WDPCP: variants seen among roughly 807,000 people sequenced by gnomAD.
WDPCP encodes the protein WD repeat containing planar cell polarity effector, also known as WD repeat-containing and planar cell polarity effector protein fritz homolog.
WDPCP carries 71 observed loss-of-function variants against 93.1 expected under a neutral mutation model. The observed-to-expected ratio is 0.76, with a 90% CI of 0.63 to 0.93. The LOEUF (loss-of-function observed/expected upper bound fraction) is 0.93. Among genes scored for constraint, WDPCP ranks in the 40% least tolerant of loss-of-function variants. The pLI, the probability that WDPCP is intolerant of heterozygous loss-of-function variation, is 0.00. For missense variants in WDPCP, 844 were observed against 887.4 expected (o/e 0.95, Z 0.62); for synonymous variants, 315 against 315.0 (o/e 1.00, Z 0.00).
At chr2:63,426,744 T>A (rs1180657174) in intron 9 of WDPCP, among the ~76,000 whole-genome samples, 2 of 152,172 alleles carry the variant, frequency 1.3e-5, no homozygotes, top group Non-Finnish European at 2.9e-5. Flanking sequence ...GGTCCTGACA[T>A]CCCACTTAAA....
chr2:63,753,493 A>G (rs2103890713), intron 2 of WDPCP, among the ~76,000 whole-genome samples: 1 of 152,286 alleles, frequency 6.6e-6, no homozygotes, highest in East Asian at 1.9e-4. Flanking sequence ...AAAGAGGTTC[A>G]ACTGGCTCAT....
intron 9 of WDPCP, among the ~76,000 whole-genome samples, chr2:63,413,603 C>CTCATGATGAGGTCA (rs1695180078): frequency 6.6e-6 from 1 of 152,086 alleles, no homozygotes; most frequent in Non-Finnish European, 1.5e-5. Context: ...CGAGACCATC[C>CTCATGATGAGGTCA]TGGCTAACAT....
chr2:63,293,718 G>A (rs1684619960), intron 13 of WDPCP, among the ~76,000 whole-genome samples: 1 of 152,116 alleles, frequency 6.6e-6, no homozygotes, highest in Non-Finnish European at 1.5e-5. Flanking sequence ...TCTGGAGCTG[G>A]AAAATATAAT....
chr2:63,837,730 A>G, the WDPCP span, among the ~76,000 whole-genome samples: 1 of 152,230 alleles, frequency 6.6e-6, no homozygotes, highest in South Asian at 2.1e-4. Flanking sequence ...GCCCAGGTTC[A>G]TCTCCTAGGT....
intron 1 of WDPCP, among the ~76,000 whole-genome samples, chr2:63,541,690 A>G (rs1704743261): frequency 6.6e-6 from 1 of 152,180 alleles, no homozygotes; most frequent in Non-Finnish European, 1.5e-5. Flanking sequence ...GATAAGAGTC[A>G]TGTAAAAGCC....
At chr2:63,691,673 T>A (rs953108863) in intron 2 of WDPCP, among the ~76,000 whole-genome samples, 4 of 151,988 alleles carry the variant, frequency 2.6e-5, no homozygotes, top group African/African-American at 9.7e-5. Flanking sequence ...GTAATATCAA[T>A]AATAATGGGT....
chr2:63,321,257 T>C (rs1458538776), intron 12 of WDPCP, among the ~76,000 whole-genome samples: 4 of 152,086 alleles, frequency 2.6e-5, no homozygotes, highest in African/African-American at 9.7e-5. Flanking sequence ...ATGATCTCTA[T>C]ATTCATGTAA....
At chr2:63,418,099 A>T (rs1179381718) in intron 9 of WDPCP, among the ~76,000 whole-genome samples, 13 of 152,218 alleles carry the variant, frequency 8.5e-5, no homozygotes, top group Non-Finnish European at 1.5e-5. Context: ...CTGTTAGCAG[A>T]TCCTTGCAAA....
intron 2 of WDPCP, among the ~76,000 whole-genome samples, chr2:63,749,984 T>C (rs1026926360): frequency 7.2e-5 from 11 of 152,114 alleles, no homozygotes; most frequent in African/African-American, 2.4e-4. Context: ...AACTGTGAAC[T>C]TACTAGTTTG....
chr2:63,576,764 A>C (rs1708145479), intron 1 of WDPCP, among the ~76,000 whole-genome samples: 1 of 152,116 alleles, frequency 6.6e-6, no homozygotes, highest in South Asian at 2.1e-4. Context: ...CAGTCATCTC[A>C]CTAGCATACA....
intron 14 of WDPCP, chr2:63,229,401 G>A (rs549086861): frequency 2.0e-5 from 3 of 152,184 alleles, no homozygotes; most frequent in Admixed American, 6.5e-5. Flanking sequence ...CACTCTGATG[G>A]TAGTTTCTTT....
chr2:63,560,675 C>T (rs555334564), intron 1 of WDPCP, among the ~76,000 whole-genome samples: 1 of 152,222 alleles, frequency 6.6e-6, no homozygotes, highest in East Asian at 1.9e-4. Context: ...AGTTTATGTC[C>T]TTTGCAGGGA....
At chr2:63,690,094 C>T (rs536920080) in intron 2 of WDPCP, among the ~76,000 whole-genome samples, 8 of 152,268 alleles carry the variant, frequency 5.3e-5, no homozygotes, top group African/African-American at 1.9e-4. Context: ...ACAACTCCAG[C>T]TAAGTGGACC....
intron 2 of WDPCP, among the ~76,000 whole-genome samples, chr2:63,490,702 T>G (rs1416926882): frequency 1.3e-5 from 2 of 152,030 alleles, no homozygotes; most frequent in East Asian, 3.9e-4. Context: ...ATTCACTGAC[T>G]CAGAATAGAA....
chr2:63,403,297 A>T (rs183161725), intron 10 of WDPCP, among the ~76,000 whole-genome samples: 27 of 152,256 alleles, frequency 1.8e-4, no homozygotes, highest in Non-Finnish European at 3.1e-4. Flanking sequence ...GAGGAGGGAG[A>T]GAAGCAGAAA....
At chr2:63,442,731 T>A (rs1179264278) in intron 6 of WDPCP, 3 of 152,220 alleles carry the variant, frequency 2.0e-5, no homozygotes. Flanking sequence ...TGGAATTTAA[T>A]TTTTCCAAGT....
chr2:63,731,843 T>G (rs1166410606), intron 2 of WDPCP, among the ~76,000 whole-genome samples: 1 of 152,136 alleles, frequency 6.6e-6, no homozygotes, highest in East Asian at 1.9e-4. Context: ...AGGGACTGGA[T>G]AGAGAAAGGA....
chr2:63,190,870 T>A (rs1313178077), intron 14 of WDPCP, among the ~76,000 whole-genome samples: 2 of 152,180 alleles, frequency 1.3e-5, no homozygotes, highest in Non-Finnish European at 2.9e-5. Context: ...CCTATTACTT[T>A]ATAATCACCT....
Position 63,597,281 on chromosome 2 carries a change from G to A in WDPCP, n.488+53378C>T. 4 of 1,251,206 alleles carry A rather than the reference G, an allele frequency of 3.2e-6. No individual in the cohort carries two copies. The South Asian group carries it at 1.2e-4, about 37-fold the overall frequency. 77.5% of individuals were successfully genotyped at this position (1,251,206 alleles called of 1,614,324 possible). A position where few individuals can be genotyped will look rare whatever the true frequency, so the allele number is the denominator to read the frequency against. Reference sequence around the variant, plus strand: ...TCTCAGGCTCCTGAAATGTATATCAGTGTGATATGTAAACACTTGCAACAA... The same window carrying A: ...TCTCAGGCTCCTGAAATGTATATCAATGTGATATGTAAACACTTGCAACAA... On this transcript the variant is annotated intron_variant and non_coding_transcript_variant, in intron 3 of 4. Coordinates refer to the WDPCP transcript ENST00000467687.
Sources: gnomAD v4.1 joint callset for allele counts (sites outside exome capture counted in the v4.1 genomes callset) on GRCh38, gnomAD v4.1.1 for gene constraint, MANE v1.5 for transcripts, NCBI Gene and HGNC (gene_info 2026-07-23, HGNC 2026-07-21) for gene names.